CREB5: variants seen among roughly 807,000 people sequenced by gnomAD.
CREB5 encodes the protein cyclic AMP-responsive element-binding protein 5.
CREB5 carries 19 observed loss-of-function variants against 57.1 expected under a neutral mutation model. The observed-to-expected ratio is 0.33, with a 90% CI of 0.23 to 0.49. CREB5 has a LOEUF of 0.49. Ranked by LOEUF, CREB5 falls within the 20% of genes least tolerant of loss-of-function variation. The probability of loss-of-function intolerance (pLI) is 0.99; values close to 1 mark genes in which losing one functional copy is unlikely to be tolerated. For synonymous variants in CREB5, 238 were observed against 238.3 expected (o/e 1.00, Z 0.01); for missense variants, 579 against 671.6 (o/e 0.86, Z 1.52).
At chr7:28,359,016 A>G (rs1487465624) in intron 1 of CREB5, among the ~76,000 whole-genome samples, 1 of 152,070 alleles carries the variant, frequency 6.6e-6, no homozygotes, top group African/African-American at 2.4e-5. Flanking sequence ...TTCTTTCAAA[A>G]TATAGGAGCT....
At chr7:28,786,411 T>C (rs1485589738) in intron 7 of CREB5, among the ~76,000 whole-genome samples, 1 of 152,120 alleles carries the variant, frequency 6.6e-6, no homozygotes, top group African/African-American at 2.4e-5. Flanking sequence ...CACACCTGGC[T>C]GATTTTTTGG....
In CREB5 at chr7:28,532,181, C is replaced by T. The variant is rs549262164; in HGVS notation, c.291+24444C>T. On this transcript the variant is annotated intron_variant, in intron 4 of 10. Transcript: ENST00000357727. ...TCAAGCAGCCCTGTGGAGAGGTCCA[C>T]GTGGCCAGGAGCTGAAGCCCCCTGC... 1.1e-4 allele frequency among the ~76,000 whole-genome samples: 16 copies of T among 152,262 alleles called. No homozygotes were observed. The South Asian group carries it at 1.5e-3, about 14-fold the overall frequency.
chr7:28,402,581 C>T (rs1329244985), intron 1 of CREB5, among the ~76,000 whole-genome samples: 2 of 152,156 alleles, frequency 1.3e-5, no homozygotes, highest in Admixed American at 6.5e-5. Flanking sequence ...GGAAAGGATT[C>T]CTTATTTAAT....
intron 1 of CREB5, among the ~76,000 whole-genome samples, chr7:28,433,944 A>G (rs1254331878): frequency 3.3e-5 from 5 of 151,808 alleles, no homozygotes; most frequent in Non-Finnish European, 2.9e-5. Flanking sequence ...ACTCAACTCC[A>G]CTTTTAGATG....
rs74909983 is a variant in CREB5 at position 28,816,958 on chromosome 7, G to A, written c.1255-1113G>A. Among the ~76,000 whole-genome samples, 6 of 152,298 alleles carry A rather than the reference G, an allele frequency of 3.9e-5. No individual in the cohort carries two copies. The East Asian group carries it at 1.2e-3, about 29-fold the overall frequency. ...TTACGTTCACTTTTATCAAGTGGAA[G>A]CATCTCGGAGCTACCATCTATTTTA... On this transcript the variant is annotated intron_variant, in intron 9 of 10. Coordinates refer to ENST00000357727, the MANE Select transcript of CREB5 (RefSeq NM_182898.4).
At chr7:28,532,275 A>G (rs1033228343) in intron 4 of CREB5, among the ~76,000 whole-genome samples, 1 of 152,214 alleles carries the variant, frequency 6.6e-6, no homozygotes, top group African/African-American at 2.4e-5. Context: ...TCAGATGAAT[A>G]TAGCCCTGGC....
chr7:28,502,824 T>C (rs749178100), intron 3 of CREB5, among the ~76,000 whole-genome samples: 73 of 152,228 alleles, frequency 4.8e-4, no homozygotes, highest in Non-Finnish European at 6.6e-4. Context: ...CTTTTTTAAA[T>C]TGGTGATTTG....
chr7:28,592,595 C>T (rs1196945895), intron 5 of CREB5, among the ~76,000 whole-genome samples: 1 of 152,104 alleles, frequency 6.6e-6, no homozygotes, highest in African/African-American at 2.4e-5. Context: ...GCTCAGTGGG[C>T]AGAGGCGCAG....
intron 3 of CREB5, among the ~76,000 whole-genome samples, chr7:28,505,204 GCACA>G (rs61656874): frequency 2.0e-5 from 3 of 151,650 alleles, no homozygotes; most frequent in Non-Finnish European, 2.9e-5. Context: ...GCACACACAC[GCACA>G]CACACACACA....
At chr7:28,338,824 G>A (rs1785878138) in intron 1 of CREB5, among the ~76,000 whole-genome samples, 1 of 151,238 alleles carries the variant, frequency 6.6e-6, no homozygotes. Context: ...TTTTTCTTTA[G>A]TCTCCTCTGA....
chr7:28,476,165 T>C (rs1025834982), intron 1 of CREB5, among the ~76,000 whole-genome samples: 2 of 152,172 alleles, frequency 1.3e-5, no homozygotes, highest in Non-Finnish European at 2.9e-5. Context: ...CTCGGGATCA[T>C]ATAGAAGACA....
At chr7:28,784,798 G>C (rs575090392) in intron 7 of CREB5, among the ~76,000 whole-genome samples, 24 of 152,256 alleles carry the variant, frequency 1.6e-4, no homozygotes, top group African/African-American at 5.8e-4. Flanking sequence ...AGCCTCTAAT[G>C]CCAAACAGCT....
intron 3 of CREB5, among the ~76,000 whole-genome samples, chr7:28,501,165 A>C (rs1792259006): frequency 6.6e-6 from 1 of 152,190 alleles, no homozygotes; most frequent in African/African-American, 2.4e-5. Context: ...TAGATGTGTG[A>C]GCTGTACATA....
intron 1 of CREB5, among the ~76,000 whole-genome samples, chr7:28,484,985 G>T (rs956927787): frequency 5.9e-5 from 9 of 152,182 alleles, no homozygotes; most frequent in Non-Finnish European, 1.5e-5. Context: ...ATATGCAAAT[G>T]CAGCCATTAA....
At chr7:28,490,071 G>A (rs1380943244) in intron 2 of CREB5, among the ~76,000 whole-genome samples, 1 of 152,188 alleles carries the variant, frequency 6.6e-6, no homozygotes, top group Non-Finnish European at 1.5e-5. Context: ...CTTTGCTTTG[G>A]TGGTGAAAAT....
chr7:28,563,108 A>G (rs1415380875), intron 4 of CREB5, among the ~76,000 whole-genome samples: 3 of 152,188 alleles, frequency 2.0e-5, no homozygotes, highest in Admixed American at 6.5e-5. Context: ...ACTGATGATA[A>G]GAGTTAAATG....
intron 5 of CREB5, among the ~76,000 whole-genome samples, chr7:28,717,549 TCTC>T (rs1467433861): frequency 6.6e-6 from 1 of 152,168 alleles, no homozygotes; most frequent in African/African-American, 2.4e-5. Flanking sequence ...AGCAGCTCCT[TCTC>T]CTACTCTGGT....
At chr7:28,798,444 C>T (rs941869919) in intron 7 of CREB5, among the ~76,000 whole-genome samples, 4 of 152,136 alleles carry the variant, frequency 2.6e-5, no homozygotes, top group Admixed American at 1.3e-4. Context: ...GCAGTAATGA[C>T]GTGTGGGTGT....
intron 5 of CREB5, among the ~76,000 whole-genome samples, chr7:28,711,462 C>G (rs867314460): frequency 6.6e-6 from 1 of 152,188 alleles, no homozygotes; most frequent in Non-Finnish European, 1.5e-5. Flanking sequence ...TATATCTGCT[C>G]TCTAGGAGCT....
Sources: gnomAD v4.1 joint callset for allele counts (sites outside exome capture counted in the v4.1 genomes callset) on GRCh38, gnomAD v4.1.1 for gene constraint, MANE v1.5 for transcripts, NCBI Gene and HGNC (gene_info 2026-07-23, HGNC 2026-07-21) for gene names.